The following RABGAP1L variants were observed in gnomAD, a reference collection of about 807,000 sequenced individuals.
The protein encoded by RABGAP1L is RAB GTPase activating protein 1 like.
In RABGAP1L, 63 loss-of-function variants were observed where a neutral mutation model predicts 137.7. That is an observed-to-expected ratio of 0.46 (90% CI 0.37 to 0.56). RABGAP1L has a LOEUF of 0.56. Among genes scored for constraint, RABGAP1L ranks in the 20% least tolerant of loss-of-function variants. RABGAP1L has a pLI of 0.00. For missense variants in RABGAP1L, 1,095 were observed against 1,244.0 expected, an observed-to-expected ratio of 0.88 and a Z score of 1.80; for synonymous variants, 431 against 433.7, an observed-to-expected ratio of 0.99 and a Z score of 0.08.
At chr1:174,265,739 CT>C (rs1313670841) in intron 7 of RABGAP1L, among the ~76,000 whole-genome samples, 1 of 151,022 alleles carries the variant, frequency 6.6e-6, no homozygotes, top group African/African-American at 2.4e-5. Flanking sequence ...AAATATTCTT[CT>C]TTCTGTATGT....
intron 19 of RABGAP1L, among the ~76,000 whole-genome samples, chr1:174,909,026 A>G (rs75475292): frequency 7.5e-6 from 1 of 133,046 alleles, no homozygotes; most frequent in African/African-American, 2.8e-5. Context: ...ACAAAAAAAA[A>G]CCATTAACCA....
intron 17 of RABGAP1L, among the ~76,000 whole-genome samples, chr1:174,708,543 C>G (rs1000323886): frequency 1.3e-5 from 2 of 152,120 alleles, no homozygotes; most frequent in Non-Finnish European, 2.9e-5. Context: ...CACAAGGGGT[C>G]AAGGAACTCC....
chr1:174,166,574 G>C (rs1185092733), intron 1 of RABGAP1L, among the ~76,000 whole-genome samples: 1 of 152,182 alleles, frequency 6.6e-6, no homozygotes, highest in African/African-American at 2.4e-5. Context: ...GTCTTGGATG[G>C]AACTTGCCTT....
intron 7 of RABGAP1L, among the ~76,000 whole-genome samples, chr1:174,270,384 G>T (rs1215311595): frequency 2.6e-5 from 4 of 152,090 alleles, no homozygotes; most frequent in African/African-American, 9.7e-5. Flanking sequence ...AAGTGCTTGA[G>T]AAACAAATGA....
chr1:174,486,582 G>A (rs997971339), intron 13 of RABGAP1L, among the ~76,000 whole-genome samples: 7 of 151,870 alleles, frequency 4.6e-5, no homozygotes, highest in Admixed American at 2.0e-4. Flanking sequence ...CCCTGACCTC[G>A]TGATCTGCCC....
intron 13 of RABGAP1L, among the ~76,000 whole-genome samples, chr1:174,553,913 C>A (rs777099276): frequency 1.3e-5 from 2 of 151,996 alleles, no homozygotes; most frequent in Non-Finnish European, 2.9e-5. Context: ...GAATTTGGGC[C>A]GGGGAGGTCG....
chr1:174,859,489 A>AAAAAAAAAAAAAAAAAAC, intron 19 of RABGAP1L, among the ~76,000 whole-genome samples: 1 of 151,694 alleles, frequency 6.6e-6, no homozygotes, highest in East Asian at 1.9e-4. Context: ...TCTCAAAAAA[A>AAAAAAAAAAAAAAAAAAC]AAGAAAATGT....
chr1:174,774,070 G>A (rs1382098072), intron 18 of RABGAP1L, among the ~76,000 whole-genome samples: 3 of 152,170 alleles, frequency 2.0e-5, no homozygotes, highest in Admixed American at 1.3e-4. Flanking sequence ...AACCAGTAGA[G>A]GAAATGTAAC....
chr1:174,824,661 A>C lies in RABGAP1L; in HGVS notation c.2340+12701A>C, dbSNP rs185183029. Among the ~76,000 whole-genome samples, 609 of 152,320 alleles carry C rather than the reference A, an allele frequency of 4.0e-3. 2 individuals are homozygous for C. Among genetic ancestry groups the C allele is most frequent in the Middle Eastern group, 0.01 (3 of 294 alleles). On this transcript the variant is annotated intron_variant, in intron 19 of 25. Transcript: ENST00000681986. ...GGGGAATATAAAATATAATTATATT[A>C]GATTTACTGAGTAATTTTTCATATT...
At chr1:174,326,243 A>G (rs758621343) in intron 11 of RABGAP1L, among the ~76,000 whole-genome samples, 2 of 152,260 alleles carry the variant, frequency 1.3e-5, no homozygotes, top group African/African-American at 2.4e-5. Flanking sequence ...AACCATGTAG[A>G]TGAATGATCT....
chr1:174,621,304 A>C (rs1672440416), intron 13 of RABGAP1L, among the ~76,000 whole-genome samples: 1 of 152,240 alleles, frequency 6.6e-6, no homozygotes, highest in Non-Finnish European at 1.5e-5. Context: ...ATTCAATGCC[A>C]TCCCCATCAA....
chr1:174,361,405 A>G (rs1684134832), intron 11 of RABGAP1L, among the ~76,000 whole-genome samples: 1 of 152,110 alleles, frequency 6.6e-6, no homozygotes, highest in African/African-American at 2.4e-5. Flanking sequence ...TGATTCTTCC[A>G]ATCCATGAAC....
chr1:174,384,401 T>G (rs778660235), intron 12 of RABGAP1L, among the ~76,000 whole-genome samples: 4 of 151,728 alleles, frequency 2.6e-5, no homozygotes, highest in Non-Finnish European at 1.5e-5. Flanking sequence ...ACTAAAAATG[T>G]GAATTTTACT....
chr1:174,742,827 G>A (rs1683555515), intron 17 of RABGAP1L, among the ~76,000 whole-genome samples: 1 of 152,160 alleles, frequency 6.6e-6, no homozygotes, highest in Admixed American at 6.5e-5. Flanking sequence ...TGTGTTTAGG[G>A]ACTTTATAGC....
intron 13 of RABGAP1L, among the ~76,000 whole-genome samples, chr1:174,482,224 A>G (rs780039938): frequency 5.3e-5 from 8 of 152,238 alleles, no homozygotes; most frequent in Non-Finnish European, 1.2e-4. Flanking sequence ...TCCAAAAGGA[A>G]TGCAGCTGAT....
intron 17 of RABGAP1L, among the ~76,000 whole-genome samples, chr1:174,749,812 A>C (rs532755458): frequency 4.6e-5 from 7 of 152,318 alleles, no homozygotes; most frequent in Non-Finnish European, 1.0e-4. Context: ...CCTCTATAGA[A>C]AGTAAATTTT....
intron 19 of RABGAP1L, among the ~76,000 whole-genome samples, chr1:174,928,138 C>A (rs1031425636): frequency 1.3e-5 from 2 of 152,096 alleles, no homozygotes; most frequent in African/African-American, 4.8e-5. Flanking sequence ...CCCACTGATT[C>A]GCCAGCAAAT....
intron 13 of RABGAP1L, among the ~76,000 whole-genome samples, chr1:174,483,990 T>C (rs1209695528): frequency 1.3e-5 from 2 of 152,214 alleles, no homozygotes; most frequent in African/African-American, 4.8e-5. Flanking sequence ...CAAACTGTTC[T>C]CCATAGTGGT....
intron 13 of RABGAP1L, among the ~76,000 whole-genome samples, chr1:174,635,844 C>G (rs915700846): frequency 2.0e-5 from 3 of 152,118 alleles, no homozygotes; most frequent in African/African-American, 7.2e-5. Flanking sequence ...AGTGGCTTAC[C>G]TTAGAGCTAA....
Sources: allele counts gnomAD v4.1 joint callset (sites outside exome capture counted in the v4.1 genomes callset), GRCh38; gene constraint gnomAD v4.1.1; transcripts MANE v1.5; gene names NCBI Gene and HGNC (gene_info 2026-07-23, HGNC 2026-07-21).